SLC25A48: variants seen among roughly 807,000 people sequenced by gnomAD.
SLC25A48 encodes solute carrier family 25 member 48.
In SLC25A48, 29 loss-of-function variants were observed where a neutral mutation model predicts 32.2. The observed-to-expected ratio is 0.90, with a 90% CI of 0.67 to 1.23. The LOEUF is 1.23. SLC25A48 is among the 50% of genes most tolerant of loss of function. The probability of loss-of-function intolerance (pLI) is 0.00; values close to 1 mark genes in which losing one functional copy is unlikely to be tolerated. For synonymous variants in SLC25A48, 164 were observed against 172.3 expected (o/e 0.95, Z 0.38); for missense variants, 399 against 422.7 (o/e 0.94, Z 0.49).
intron 3 of SLC25A48, among the ~76,000 whole-genome samples, chr5:135,775,050 C>T (rs1485025575): frequency 6.6e-6 from 1 of 151,690 alleles, no homozygotes; most frequent in African/African-American, 2.4e-5. Context: ...TGTACACACA[C>T]CCTATGATAC....
intron 3 of SLC25A48, among the ~76,000 whole-genome samples, chr5:135,798,824 A>C (rs1330338915): frequency 6.6e-6 from 1 of 151,600 alleles, no homozygotes; most frequent in East Asian, 1.9e-4. Flanking sequence ...AGAGAGGATG[A>C]TACTACTCCC....
chr5:135,593,093 G>T (rs998475699), intron 1 of SLC25A48, among the ~76,000 whole-genome samples: 1 of 152,114 alleles, frequency 6.6e-6, no homozygotes, highest in Non-Finnish European at 1.5e-5. Context: ...AATAGTGAGG[G>T]CTCAGGTCTG....
chr5:135,784,333 G>A lies in SLC25A48; in HGVS notation c.-520-28190G>A, dbSNP rs1483251660. Among the ~76,000 whole-genome samples, 2 of 116,068 alleles carry A rather than the reference G, an allele frequency of 1.7e-5. 1 individual carries two copies. Among genetic ancestry groups the A allele is most frequent in the Non-Finnish European group, 4.2e-5 (2 of 47,276 alleles). 76.1% of individuals were successfully genotyped at this position (116,068 alleles called of 152,430 possible). ...AATGATATTACTCCCAATACCCCAG[G>A]AAGTTTCCACCCCCCTGTGATATAG... On this transcript the variant is annotated intron_variant, in intron 3 of 10. Coordinates refer to the SLC25A48 transcript ENST00000646290.
intron 3 of SLC25A48, among the ~76,000 whole-genome samples, chr5:135,713,394 C>T (rs1170145515): frequency 6.6e-6 from 1 of 152,224 alleles, no homozygotes; most frequent in Non-Finnish European, 1.5e-5. Flanking sequence ...AGCAGCTAGA[C>T]TGAGTTCTCA....
At chr5:135,588,303 AACAC>A (rs1202050352) in intron 1 of SLC25A48, among the ~76,000 whole-genome samples, 2 of 152,264 alleles carry the variant, frequency 1.3e-5, no homozygotes, top group East Asian at 3.8e-4. Flanking sequence ...AAAAGCCACT[AACAC>A]ATGTGGAAAT....
intron 3 of SLC25A48, among the ~76,000 whole-genome samples, chr5:135,800,069 C>A (rs181182076): frequency 2.0e-5 from 3 of 151,742 alleles, no homozygotes; most frequent in Non-Finnish European, 2.9e-5. Flanking sequence ...GAACTGTACA[C>A]CCCCCTGGTG....
intron 1 of SLC25A48, among the ~76,000 whole-genome samples, chr5:135,587,724 C>A (rs1426268689): frequency 6.6e-6 from 1 of 152,184 alleles, no homozygotes; most frequent in Non-Finnish European, 1.5e-5. Context: ...CTAGTCATTG[C>A]CTCTGAACAT....
At chr5:135,854,807 C>T (rs1205928655) in intron 4 of SLC25A48, among the ~76,000 whole-genome samples, 2 of 152,224 alleles carry the variant, frequency 1.3e-5, no homozygotes, top group Non-Finnish European at 2.9e-5. Flanking sequence ...GCAAAAGAGG[C>T]TTAGCTTTTG....
At chr5:135,757,070 A>G (rs952117395) in intron 3 of SLC25A48, among the ~76,000 whole-genome samples, 3 of 148,256 alleles carry the variant, frequency 2.0e-5, no homozygotes, top group South Asian at 4.3e-4. Flanking sequence ...TGTTAACACT[A>G]TGATATTTAT....
At chr5:135,771,750 G>A (rs1756418026) in intron 3 of SLC25A48, among the ~76,000 whole-genome samples, 2 of 151,196 alleles carry the variant, frequency 1.3e-5, no homozygotes, top group Non-Finnish European at 1.5e-5. Flanking sequence ...GAGAGAGGAT[G>A]ATATTACTTC....
chr5:135,777,944 G>A (rs1308151895), intron 3 of SLC25A48, among the ~76,000 whole-genome samples: 2 of 151,848 alleles, frequency 1.3e-5, no homozygotes, highest in African/African-American at 2.4e-5. Context: ...ATCCTGGGCT[G>A]AGGGACAGGA....
intron 3 of SLC25A48, among the ~76,000 whole-genome samples, chr5:135,638,134 G>A (rs1752748654): frequency 6.6e-6 from 1 of 152,168 alleles, no homozygotes; most frequent in Admixed American, 6.6e-5. Context: ...TTTTGAAGCT[G>A]TATGCATTTT....
chr5:135,765,288 C>G (rs1756181122), intron 3 of SLC25A48, among the ~76,000 whole-genome samples: 1 of 149,232 alleles, frequency 6.7e-6, no homozygotes, highest in African/African-American at 2.5e-5. Context: ...TTGTGATATT[C>G]AGGGGTAAGA....
chr5:135,759,983 C>G (rs1275286942), intron 3 of SLC25A48, among the ~76,000 whole-genome samples: 1 of 151,964 alleles, frequency 6.6e-6, no homozygotes, highest in Non-Finnish European at 1.5e-5. Flanking sequence ...GCATGCACCA[C>G]CACGTCCAGC....
chr5:135,636,121 T>C (rs1752698465), intron 3 of SLC25A48, among the ~76,000 whole-genome samples: 1 of 152,250 alleles, frequency 6.6e-6, no homozygotes, highest in Non-Finnish European at 1.5e-5. Context: ...TCTTGGATAA[T>C]AATCTTGTAC....
intron 1 of SLC25A48, among the ~76,000 whole-genome samples, chr5:135,624,534 G>T (rs1359139769): frequency 6.6e-6 from 1 of 152,206 alleles, no homozygotes; most frequent in African/African-American, 2.4e-5. Context: ...CAACAATGGT[G>T]TGAGAATGAC....
At chr5:135,749,148 C>T (rs1408917858) in intron 3 of SLC25A48, among the ~76,000 whole-genome samples, 2 of 152,126 alleles carry the variant, frequency 1.3e-5, no homozygotes, top group South Asian at 2.1e-4. Context: ...TCTCTAGTCA[C>T]ACAGGGTTCT....
intron 4 of SLC25A48, among the ~76,000 whole-genome samples, chr5:135,864,451 C>T (rs1172125292): frequency 6.6e-6 from 1 of 152,118 alleles, no homozygotes; most frequent in Admixed American, 6.6e-5. Context: ...GACACACAAC[C>T]CTTAAAGATG....
intron 3 of SLC25A48, among the ~76,000 whole-genome samples, chr5:135,778,005 T>C (rs1756611630): frequency 2.7e-5 from 4 of 150,252 alleles, no homozygotes; most frequent in Admixed American, 2.0e-4. Flanking sequence ...CCTGTGATAT[T>C]GTTTCTAATA....
Sources: allele counts gnomAD v4.1 joint callset (sites outside exome capture counted in the v4.1 genomes callset), GRCh38; gene constraint gnomAD v4.1.1; transcripts MANE v1.5; gene names NCBI Gene and HGNC (gene_info 2026-07-23, HGNC 2026-07-21).